The following GCNT4 variants were observed in gnomAD, a reference collection of about 807,000 sequenced individuals.
The protein encoded by GCNT4 is beta-1,3-galactosyl-O-glycosyl-glycoprotein beta-1,6-N-acetylglucosaminyltransferase 4.
GCNT4 carries 17 observed loss-of-function variants against 31.3 expected under a neutral mutation model. The ratio of observed to expected loss-of-function variants is 0.54; its 90% CI spans 0.37 to 0.81. The LOEUF is 0.81. Ranked by LOEUF, GCNT4 falls within the 40% of genes least tolerant of loss-of-function variation. GCNT4 has a pLI of 0.00. For synonymous variants in GCNT4, 158 were observed against 190.6 expected (o/e 0.83, Z 1.41); for missense variants, 503 against 525.5 (o/e 0.96, Z 0.42).
At chr5:75,021,473 G>C (rs1462091803), downstream of GCNT4, among the ~76,000 whole-genome samples, 1 of 152,210 alleles carries the variant, frequency 6.6e-6, no homozygotes, top group Non-Finnish European at 1.5e-5. Flanking sequence ...TCAGTAGCCA[G>C]GAGGGCTCTT....
In GCNT4 at chr5:75,027,332, T is replaced by C. The variant is rs558545438; in HGVS notation, c.*1344A>G. 1.7e-3 allele frequency: 72 copies of C among 41,168 alleles called. 4 individuals are homozygous for C. The Middle Eastern group carries it at 0.065, about 37-fold the overall frequency. 2.6% of individuals were successfully genotyped at this position (41,168 alleles called of 1,614,324 possible). A position where few individuals can be genotyped will look rare whatever the true frequency, so the allele number is the denominator to read the frequency against. ...TATATGTATATATAATATATATTCATATACAATATATGTATATATAATATA... is the reference window on the plus strand; with the variant it reads ...TATATGTATATATAATATATATTCACATACAATATATGTATATATAATATA... On this transcript the variant is annotated 3_prime_UTR_variant, in exon 4 of 4. Transcript: ENST00000652361.
intron 3 of GCNT4, among the ~76,000 whole-genome samples, chr5:75,046,159 C>T (rs1743433302): frequency 6.6e-6 from 1 of 152,090 alleles, no homozygotes; most frequent in Non-Finnish European, 1.5e-5. Context: ...GTGTATCATT[C>T]CATTTCTTTC....
intron 3 of GCNT4, among the ~76,000 whole-genome samples, chr5:75,035,293 G>C (rs1323087510): frequency 6.6e-6 from 1 of 152,256 alleles, no homozygotes; most frequent in Non-Finnish European, 1.5e-5. Flanking sequence ...TTTCAAAGAA[G>C]TACAGATGCT....
chr5:75,033,153 A>G (rs958190183), intron 3 of GCNT4, among the ~76,000 whole-genome samples: 3 of 152,204 alleles, frequency 2.0e-5, no homozygotes, highest in Non-Finnish European at 4.4e-5. Flanking sequence ...TCATTTAACT[A>G]TCATCTTCAC....
At chr5:75,036,490 T>C (rs1405149183) in intron 3 of GCNT4, among the ~76,000 whole-genome samples, 1 of 152,242 alleles carries the variant, frequency 6.6e-6, no homozygotes, top group Non-Finnish European at 1.5e-5. Flanking sequence ...CAATAGTGTC[T>C]CTCAGAATAT....
intron 3 of GCNT4, among the ~76,000 whole-genome samples, chr5:75,041,589 T>C (rs539732398): frequency 2.6e-5 from 4 of 152,214 alleles, no homozygotes; most frequent in African/African-American, 7.2e-5. Flanking sequence ...ATAAAGGACC[T>C]GTAAGATTAC....
chr5:75,030,017 A>G lies in GCNT4; in HGVS notation c.21T>C (p.Tyr7=). 6.3e-7 allele frequency: 1 copy of G among 1,598,616 alleles called. No homozygotes were observed. Among genetic ancestry groups the G allele is most frequent in the Non-Finnish European group, 8.5e-7 (1 of 1,174,770 alleles). The change falls in exon 4 of 4, where the codon TAT becomes TAC. Residue 7 remains tyrosine (Y), a synonymous_variant. Coordinates refer to ENST00000652361, the MANE Select transcript of GCNT4 (RefSeq NM_001366737.1). ...CTTTCTGCTGTAGGGTATGTTTAAA[A>G]TAACATTTGAATATCTTCATTCTGT... The part of the protein sequence containing the change: MKIFKC[Y]FKHTLQQKVF...
At chr5:75,045,377 TACA>T (rs772242639) in intron 3 of GCNT4, among the ~76,000 whole-genome samples, 13 of 152,218 alleles carry the variant, frequency 8.5e-5, no homozygotes, top group African/African-American at 1.7e-4. Context: ...ATAGGAATCA[TACA>T]ATATTTGTCC....
chr5:75,037,493 T>C (rs1219579737), intron 3 of GCNT4, among the ~76,000 whole-genome samples: 2 of 152,190 alleles, frequency 1.3e-5, no homozygotes, highest in East Asian at 1.9e-4. Flanking sequence ...CCAATACAAA[T>C]TGAGGACAAG....
chr5:75,041,008 C>A (rs1315880732), intron 3 of GCNT4, among the ~76,000 whole-genome samples: 1 of 152,062 alleles, frequency 6.6e-6, no homozygotes, highest in Non-Finnish European at 1.5e-5. Flanking sequence ...ATTTAAAAGA[C>A]AGCCAAGAGC....
rs1361152820 is a variant in GCNT4 at position 75,027,411 on chromosome 5, TAAATATATATTACATATATATA to T, written c.*1243_*1264del. ...ATTGTTCTATATATAATATATAACA[TAAATATATATTACATATATATA>T]AAATATATATTATATATATATATTT... On this transcript the variant is annotated 3_prime_UTR_variant, in exon 4 of 4. Transcript: ENST00000652361. 3.5e-5 allele frequency: 5 copies of T among 142,906 alleles called. No individual in the cohort carries two copies. The highest frequency in any genetic ancestry group is 4.2e-4 in the South Asian group (2 of 4,730). 8.9% of individuals were successfully genotyped at this position (142,906 alleles called of 1,614,324 possible). A position where few individuals can be genotyped will look rare whatever the true frequency, so the allele number is the denominator to read the frequency against.
chr5:75,020,846 G>A (rs1742873349), downstream of GCNT4, among the ~76,000 whole-genome samples: 1 of 152,162 alleles, frequency 6.6e-6, no homozygotes, highest in Admixed American at 6.5e-5. Context: ...GGAAAATGGG[G>A]TGAAGGGGTG....
chr5:75,026,943 T>G lies in GCNT4; in HGVS notation c.*1733A>C, dbSNP rs1235464166. ...AGAGAAGAAAGGGAGCGAGAAGTGG[T>G]GTCAGTTGGCAGTTAGTATTATGAA... On this transcript the variant is annotated 3_prime_UTR_variant, in exon 4 of 4. Coordinates refer to ENST00000652361, the MANE Select transcript of GCNT4 (RefSeq NM_001366737.1). 1 of 152,096 alleles carries G rather than the reference T, an allele frequency of 6.6e-6. No individual in the cohort carries two copies. The highest frequency in any genetic ancestry group is 1.9e-4 in the East Asian group (1 of 5,196). 9.4% of individuals were successfully genotyped at this position (152,096 alleles called of 1,614,324 possible). A position where few individuals can be genotyped will look rare whatever the true frequency, so the allele number is the denominator to read the frequency against.
Position 75,028,828 on chromosome 5 carries a change from C to A in GCNT4, c.1210G>T (p.Asp404Tyr), listed in dbSNP as rs770557538. The change falls in exon 4 of 4, where the codon GAT becomes TAT. Residue 404 changes from aspartate (D) to tyrosine (Y), a missense_variant. Transcript: ENST00000652361. Reference sequence around the variant, plus strand: ...AATTTATTAGCAAACCAATGTCCATCTTTGATAAGCCACCTTAATTCTGCA... The same window carrying A: ...AATTTATTAGCAAACCAATGTCCATATTTGATAAGCCACCTTAATTCTGCA... ...GAAELRWLIKDGHWFANKFDS... is the reference protein window; with the variant it reads ...GAAELRWLIKYGHWFANKFDS... 9 of 1,614,104 alleles carry A rather than the reference C, an allele frequency of 5.6e-6. No homozygotes were observed. The highest frequency in any genetic ancestry group is 5.9e-6 in the Non-Finnish European group (7 of 1,180,016).
chr5:75,028,658 T>G lies in GCNT4; in HGVS notation c.*18A>C. The G allele has an allele frequency of 6.3e-7, 1 of 1,593,880 alleles. No homozygotes were observed. Among genetic ancestry groups the G allele is most frequent in the Non-Finnish European group, 8.5e-7 (1 of 1,170,240 alleles). On this transcript the variant is annotated 3_prime_UTR_variant, in exon 4 of 4. Coordinates refer to ENST00000652361, the MANE Select transcript of GCNT4 (RefSeq NM_001366737.1). ...TCCATTTATCAGGCACCCTCTTATT[T>G]CCATCCTGATTTTACTATCATGATG...
intron 3 of GCNT4, among the ~76,000 whole-genome samples, chr5:75,044,863 G>T (rs1178799881): frequency 1.3e-5 from 2 of 152,038 alleles, no homozygotes; most frequent in Non-Finnish European, 2.9e-5. Context: ...ATAAAAAATT[G>T]ATTTTTTAAA....
rs1743130823 is a variant in GCNT4 at position 75,033,706 on chromosome 5, A to T, written c.-1-3668T>A. ...TTTTTTACTTTAAGTTCTGGGATAC[A>T]TGTGCAGAACAAGCAGGTTTCTTAC... On this transcript the variant is annotated intron_variant, in intron 3 of 3. Coordinates refer to ENST00000652361, the MANE Select transcript of GCNT4 (RefSeq NM_001366737.1). Among the ~76,000 whole-genome samples the T allele has an allele frequency of 2.0e-5, 3 of 151,350 alleles. No individual in the cohort carries two copies. In the South Asian group the frequency reaches 6.3e-4, roughly 32 times the overall value.
chr5:75,053,666 G>C (rs1743641981), upstream of GCNT4, among the ~76,000 whole-genome samples: 1 of 151,930 alleles, frequency 6.6e-6, no homozygotes, highest in African/African-American at 2.4e-5. Flanking sequence ...AGCCGCTCTC[G>C]CCCGGCCCGG....
intron 3 of GCNT4, among the ~76,000 whole-genome samples, chr5:75,042,577 T>A (rs749142626): frequency 3.9e-5 from 6 of 152,216 alleles, no homozygotes; most frequent in Non-Finnish European, 8.8e-5. Context: ...CAGACATGAA[T>A]CAAGGGTATT....
Sources: gnomAD v4.1 joint callset for allele counts (sites outside exome capture counted in the v4.1 genomes callset) on GRCh38, gnomAD v4.1.1 for gene constraint, MANE v1.5 for transcripts, NCBI Gene and HGNC (gene_info 2026-07-23, HGNC 2026-07-21) for gene names.